The following ASCC1 variants were observed in gnomAD, a reference collection of about 807,000 sequenced individuals.
ASCC1 encodes the protein ASC-1 complex subunit P50.
A neutral mutation model predicts 46.6 loss-of-function variants in ASCC1; 35 were observed. That is an observed-to-expected ratio of 0.75 (90% CI 0.57 to 0.99). The LOEUF (loss-of-function observed/expected upper bound fraction) is 0.99. Ranked by LOEUF, ASCC1 falls within the 50% of genes least tolerant of loss-of-function variation. ASCC1 has a pLI of 0.00. For synonymous variants in ASCC1, 143 were observed against 146.6 expected, an observed-to-expected ratio of 0.98 and a Z score of 0.18; for missense variants, 376 against 428.7, an observed-to-expected ratio of 0.88 and a Z score of 1.09.
chr10:72,130,058 T>C (rs1266506978), intron 8 of ASCC1, among the ~76,000 whole-genome samples: 4 of 149,390 alleles, frequency 2.7e-5, no homozygotes, highest in Non-Finnish European at 5.9e-5. Flanking sequence ...ATAACATGGA[T>C]GAGCCTTGAA....
chr10:72,166,473 A>G (rs1380567006), intron 5 of ASCC1, among the ~76,000 whole-genome samples: 1 of 149,934 alleles, frequency 6.7e-6, no homozygotes, highest in Non-Finnish European at 1.5e-5. Flanking sequence ...AGAGAAAAAA[A>G]CCAACATAAT....
rs183891130 is a variant in ASCC1 at position 72,121,612 on chromosome 10, G to C, written c.957+6470C>G. ...AAGTTGAGTAGCTATATTAATTTCA[G>C]ATGGAGCAAACTTCAGAGCAAGGAA... On this transcript the variant is annotated intron_variant, in intron 9 of 9. Transcript: ENST00000672957. 3.9e-5 allele frequency among the ~76,000 whole-genome samples: 6 copies of C among 151,950 alleles called. 1 individual carries two copies. The highest frequency in any genetic ancestry group is 3.3e-4 in the Admixed American group (5 of 15,284).
At chr10:72,101,211 T>G (rs914570435) in intron 9 of ASCC1, among the ~76,000 whole-genome samples, 3 of 152,186 alleles carry the variant, frequency 2.0e-5, no homozygotes, top group Admixed American at 6.5e-5. Flanking sequence ...GCTGATGACC[T>G]GGGTGTGTCC....
chr10:72,128,547 GA>G (rs1194422183), intron 8 of ASCC1, among the ~76,000 whole-genome samples: 2 of 152,180 alleles, frequency 1.3e-5, no homozygotes, highest in Admixed American at 1.3e-4. Context: ...ATAGATCCAA[GA>G]AAAGTGGCAT....
intron 5 of ASCC1, among the ~76,000 whole-genome samples, chr10:72,192,425 AGCCT>A (rs1392064899): frequency 6.6e-6 from 1 of 150,952 alleles, no homozygotes; most frequent in African/African-American, 2.5e-5. Flanking sequence ...ATAGAACTCC[AGCCT>A]GAGTGACAGG....
upstream of ASCC1, chr10:72,216,802 A>G (rs1330865824): frequency 2.2e-6 from 1 of 456,006 alleles, no homozygotes; most frequent in Non-Finnish European, 4.4e-6. Flanking sequence ...GAGGATCTCC[A>G]CTGTCAGCCC....
chr10:72,134,915 G>C (rs559774383), intron 7 of ASCC1, among the ~76,000 whole-genome samples: 33 of 152,320 alleles, frequency 2.2e-4, no homozygotes, highest in African/African-American at 7.9e-4. Context: ...TCCTCTATCA[G>C]AGCAGTTTTG....
chr10:72,210,693 G>T lies in ASCC1; in HGVS notation c.212+39C>A, dbSNP rs7069703. On this transcript the variant is annotated intron_variant, in intron 3 of 9. Coordinates refer to ENST00000672957, the MANE Select transcript of ASCC1 (RefSeq NM_001198800.3). Reference sequence around the variant, plus strand: ...GGTCCACTTCCCGCTGAGTTTCCTGGAAGTGTCTTCCCATGAAACTGTTGG... The same window carrying T: ...GGTCCACTTCCCGCTGAGTTTCCTGTAAGTGTCTTCCCATGAAACTGTTGG... 768,920 of 1,574,198 alleles carry T rather than the reference G, an allele frequency of 0.49. 194,628 individuals carry two copies. Among genetic ancestry groups the T allele is most frequent in the Non-Finnish European group, 0.53 (605,200 of 1,144,800 alleles).
intron 9 of ASCC1, among the ~76,000 whole-genome samples, chr10:72,105,324 G>A (rs967264569): frequency 6.6e-6 from 1 of 152,174 alleles, no homozygotes; most frequent in African/African-American, 2.4e-5. Flanking sequence ...CCCTCACCTA[G>A]ACACTGCCAC....
At chr10:72,174,449 C>G (rs1851618958) in intron 5 of ASCC1, among the ~76,000 whole-genome samples, 1 of 152,168 alleles carries the variant, frequency 6.6e-6, no homozygotes, top group Admixed American at 6.6e-5. Context: ...GCTCAACCAT[C>G]CTTTCCATGA....
At chr10:72,209,176 A>AG (rs113552828) in intron 3 of ASCC1, among the ~76,000 whole-genome samples, 3,785 of 151,978 alleles carry the variant, frequency 0.025, 148 homozygotes, top group African/African-American at 0.083. Flanking sequence ...AAAAAAAAAA[A>AG]AAAGAGATAT....
chr10:72,186,409 T>C (rs1310629971), intron 5 of ASCC1, among the ~76,000 whole-genome samples: 1 of 152,182 alleles, frequency 6.6e-6, no homozygotes, highest in Non-Finnish European at 1.5e-5. Flanking sequence ...ATCATCCCTA[T>C]TTTAGAGATG....
chr10:72,137,910 C>A (rs1846457098), intron 7 of ASCC1, among the ~76,000 whole-genome samples: 2 of 151,898 alleles, frequency 1.3e-5, no homozygotes, highest in African/African-American at 4.8e-5. Context: ...CTCATCCAGG[C>A]TAGAGTGCAG....
intron 5 of ASCC1, chr10:72,190,609 A>C: frequency 9.5e-7 from 1 of 1,055,882 alleles, no homozygotes; most frequent in Non-Finnish European, 1.4e-6. Flanking sequence ...CATACCTAAT[A>C]AACAATTTAA....
intron 9 of ASCC1, among the ~76,000 whole-genome samples, chr10:72,117,287 AC>A (rs932230352): frequency 2.6e-5 from 4 of 152,138 alleles, no homozygotes; most frequent in Admixed American, 6.5e-5. Flanking sequence ...TGTATTGGCC[AC>A]TTTTGGAGAA....
At chr10:72,138,721 G>A (rs564927982) in intron 7 of ASCC1, among the ~76,000 whole-genome samples, 1 of 146,702 alleles carries the variant, frequency 6.8e-6, no homozygotes, top group Admixed American at 7.0e-5. Context: ...ACAGACATTC[G>A]CCACCACACC....
chr10:72,149,137 T>TA lies in ASCC1; in HGVS notation c.746+3731dup, dbSNP rs970729572. 1.3e-3 allele frequency among the ~76,000 whole-genome samples: 193 copies of TA among 144,756 alleles called. 1 individual carries two copies. The highest frequency in any genetic ancestry group is 0.012 in the East Asian group (62 of 5,026). The allele number at this position is 144,756 out of a possible 152,430, so 95.0% of individuals were successfully genotyped here. Reference sequence around the variant, plus strand: ...TTGGAAAATAGTGTTACTTTTCAGTTAAAAAAAAAAAAGTGTTGTGGCCGG... The same window carrying TA: ...TTGGAAAATAGTGTTACTTTTCAGTTAAAAAAAAAAAAAGTGTTGTGGCCGG... On this transcript the variant is annotated intron_variant, in intron 7 of 9. Transcript: ENST00000672957.
In ASCC1 at chr10:72,133,124, C is replaced by T. The variant is rs1213886947; in HGVS notation, c.804G>A (p.Val268=). Residue 268 remains valine (V), a synonymous_variant, in exon 8 of 10, where the codon GTG becomes GTA. Transcript: ENST00000672957. ...GCAGTTTCACACTATTCCACTCTTT[C>T]ACTATTAGTCCAGATGCCTGAAAAC... is the stretch of plus-strand genomic sequence containing the variant. The part of the protein sequence containing the change: ...LERFQASGLI[V]KEWNSVKLHA... The T allele has an allele frequency of 6.2e-7, 1 of 1,614,070 alleles. No individual in the cohort carries two copies. Among genetic ancestry groups the T allele is most frequent in the Non-Finnish European group, 8.5e-7 (1 of 1,179,916 alleles).
rs564532929 is a variant in ASCC1 at position 72,152,694 on chromosome 10, C to T, written c.746+175G>A. Reference sequence around the variant, plus strand: ...CAGACTTAAAATCTGATACTTTTTCCTACAACAAATTCCTCTTTCAAGAGA... The same window carrying T: ...CAGACTTAAAATCTGATACTTTTTCTTACAACAAATTCCTCTTTCAAGAGA... On this transcript the variant is annotated intron_variant, in intron 7 of 9. Transcript: ENST00000672957. Among the ~76,000 whole-genome samples the T allele has an allele frequency of 2.0e-5, 3 of 152,044 alleles. No homozygotes were observed. The East Asian group carries it at 5.8e-4, about 29-fold the overall frequency.
Sources: gnomAD v4.1 joint callset for allele counts (sites outside exome capture counted in the v4.1 genomes callset) on GRCh38, gnomAD v4.1.1 for gene constraint, MANE v1.5 for transcripts, NCBI Gene and HGNC (gene_info 2026-07-23, HGNC 2026-07-21) for gene names.